MAPK8IP3: variants seen among roughly 807,000 people sequenced by gnomAD.
The protein encoded by MAPK8IP3 is mitogen-activated protein kinase 8 interacting protein 3, also known as C-Jun-amino-terminal kinase-interacting protein 3.
A neutral mutation model predicts 157.8 loss-of-function variants in MAPK8IP3; 49 were observed. The observed-to-expected ratio is 0.31, with a 90% confidence interval of 0.25 to 0.39. The LOEUF (loss-of-function observed/expected upper bound fraction) is 0.39, where lower values mean the gene tolerates loss of function less well. Among genes scored for constraint, MAPK8IP3 ranks in the 10% least tolerant of loss-of-function variants. MAPK8IP3 has a pLI of 1.00. For missense variants in MAPK8IP3, 1,478 were observed against 1,889.4 expected (o/e 0.78, Z 4.04); for synonymous variants, 897 against 777.7 (o/e 1.15, Z -2.55).
At chr16:1,747,898 G>A (rs1437735508) in intron 6 of MAPK8IP3, among the ~76,000 whole-genome samples, 3 of 152,242 alleles carry the variant, frequency 2.0e-5, no homozygotes, top group Non-Finnish European at 2.9e-5. Flanking sequence ...GTTGCCCCAC[G>A]GCACACAGGC....
At position 1,724,540 on chromosome 16, in the gene MAPK8IP3, C is replaced by G. The variant is rs1423859028; in HGVS notation, c.319-17C>G. Reference sequence around the variant, plus strand: ...CTCACTCCTGATGACTGCTCTTTCCCTCCCTTCCATGCACAGAAATTCATT... The same window carrying G: ...CTCACTCCTGATGACTGCTCTTTCCGTCCCTTCCATGCACAGAAATTCATT... On this transcript the variant is annotated splice_polypyrimidine_tract_variant and intron_variant, in intron 1 of 31. Coordinates refer to ENST00000610761, the MANE Select transcript of MAPK8IP3 (RefSeq NM_001318852.2). The surrounding 1 kb of genome is among the most constrained non-coding windows in gnomAD (Gnocchi z 4.1). 6.2e-7 allele frequency: 1 copy of G among 1,612,138 alleles called. No individual in the cohort carries two copies. The highest frequency in any genetic ancestry group is 1.1e-5 in the South Asian group (1 of 91,044).
intron 2 of MAPK8IP3, among the ~76,000 whole-genome samples, chr16:1,728,497 G>A (rs1362793926): frequency 2.6e-5 from 4 of 152,220 alleles, no homozygotes; most frequent in African/African-American, 7.2e-5. Flanking sequence ...CACAGAGAGC[G>A]CCTGTGGGTT....
rs1199980495 is a variant in MAPK8IP3 at position 1,764,126 on chromosome 16, C to T, written c.2037C>T (p.Asn679=). 13 of 1,609,500 alleles carry T rather than the reference C, an allele frequency of 8.1e-6. No individual in the cohort carries two copies. The East Asian group carries it at 2.5e-4, about 30-fold the overall frequency. Residue 679 remains asparagine, a synonymous_variant, in exon 18 of 32, where the codon AAC becomes AAT. Coordinates refer to ENST00000610761, the MANE Select transcript of MAPK8IP3 (RefSeq NM_001318852.2). ...CCTGCTCCCTGCAGCTGAGTCCCAA[C>T]GGGGGCCAGGAGGACACGCGGATGA... The part of the protein sequence containing the change: ...LPAKYKQLSP[N]GGQEDTRMKN...
chr16:1,752,897 G>T (rs2041375220), intron 8 of MAPK8IP3, among the ~76,000 whole-genome samples: 1 of 152,174 alleles, frequency 6.6e-6, no homozygotes, highest in South Asian at 2.1e-4. Context: ...AATGAGCTGG[G>T]ACCTGCGCCC....
chr16:1,731,148 A>G (rs1043596706), intron 4 of MAPK8IP3, among the ~76,000 whole-genome samples: 9 of 152,146 alleles, frequency 5.9e-5, no homozygotes, highest in African/African-American at 1.4e-4. Flanking sequence ...AAATAAATAC[A>G]TAAATAAATA....
rs1326794970 is a variant in MAPK8IP3, at chr16:1,770,286, G to A, written c.*1462G>A. 4.6e-6 allele frequency: 1 copy of A among 216,068 alleles called. No individual in the cohort carries two copies. The highest frequency in any genetic ancestry group is 5.6e-5 in the Admixed American group (1 of 17,960). The allele number at this position is 216,068 out of a possible 1,614,324, so 13.4% of individuals were successfully genotyped here. ...GCCCTGCAAGCAAACCCACATATCT[G>A]CTCTGTATGTAATAAATGTCTTAAC... On this transcript the variant is annotated 3_prime_UTR_variant, in exon 32 of 32. Coordinates refer to ENST00000610761, the MANE Select transcript of MAPK8IP3 (RefSeq NM_001318852.2).
intron 12 of MAPK8IP3, 34 bp downstream of exon 12, chr16:1,760,566 G>C: frequency 6.3e-7 from 1 of 1,593,968 alleles, no homozygotes; most frequent in Non-Finnish European, 8.6e-7. Flanking sequence ...GGTCAGAGAG[G>C]GACCCCGGCC....
chr16:1,711,168 A>C (rs1412736926), intron 1 of MAPK8IP3, among the ~76,000 whole-genome samples: 1 of 152,258 alleles, frequency 6.6e-6, no homozygotes, highest in Non-Finnish European at 1.5e-5. Context: ...AAATATGTAC[A>C]GAAAGGTTGC....
At position 1,747,092 on chromosome 16, in the gene MAPK8IP3, G is replaced by A. The variant is rs1171607649; in HGVS notation, c.811G>A (p.Gly271Ser). Residue 271 changes from glycine to serine, a missense_variant, in exon 6 of 32, where the codon GGC becomes AGC. Physicochemically the swap from Gly to Ser is moderately conservative, Grantham distance 56. Transcript: ENST00000610761. ...GGCGGCCGCCACACCCAGCACCACA[G>A]GCACCAAGTCCAACACGCCCACATC... The part of the protein sequence containing the change: ...SSAAATPSTT[G>S]TKSNTPTSSV... The A allele has an allele frequency of 6.2e-7, 1 of 1,613,862 alleles. No homozygotes were observed. Among genetic ancestry groups the A allele is most frequent in the Non-Finnish European group, 8.5e-7 (1 of 1,179,904 alleles).
Position 1,747,082 on chromosome 16 carries a change from C to G in MAPK8IP3, c.801C>G (p.Pro267=). The G allele has an allele frequency of 6.2e-7, 1 of 1,613,656 alleles. No individual in the cohort carries two copies. Among genetic ancestry groups the G allele is most frequent in the Non-Finnish European group, 8.5e-7 (1 of 1,179,696 alleles). ...GCCAGTCCTCGGCGGCCGCCACACC[C>G]AGCACCACAGGCACCAAGTCCAACA... ...ESGQSSAAAT[P]STTGTKSNTP... The change falls in exon 6 of 32, where the codon CCC becomes CCG. Residue 267 remains proline, a synonymous_variant. Coordinates refer to ENST00000610761, the MANE Select transcript of MAPK8IP3 (RefSeq NM_001318852.2).
chr16:1,749,264 T>C (rs1203856533), intron 8 of MAPK8IP3, among the ~76,000 whole-genome samples: 2 of 152,204 alleles, frequency 1.3e-5, no homozygotes, highest in Non-Finnish European at 2.9e-5. Flanking sequence ...GATCTCAGTT[T>C]AGAATGTTCC....
At chr16:1,731,096 C>T (rs547105179) in intron 4 of MAPK8IP3, among the ~76,000 whole-genome samples, 3 of 152,108 alleles carry the variant, frequency 2.0e-5, no homozygotes, top group African/African-American at 7.2e-5. Context: ...GCTGAGATCA[C>T]GCCACAGCAC....
chr16:1,763,634 T>A, intron 16 of MAPK8IP3, 23 bp from the exon 17 acceptor site: 1 of 1,531,756 alleles, frequency 6.5e-7, no homozygotes, highest in Non-Finnish European at 8.8e-7. Context: ...GACAGAGACA[T>A]CACCCATCAT....
intron 5 of MAPK8IP3, chr16:1,746,656 C>T (rs2040980398): frequency 8.4e-6 from 2 of 239,164 alleles, no homozygotes; most frequent in Non-Finnish European, 8.2e-6. Flanking sequence ...GCCCTCTGCC[C>T]TACCTGGGCT....
At chr16:1,757,493 T>G (rs1288912893) in intron 8 of MAPK8IP3, among the ~76,000 whole-genome samples, 1 of 152,094 alleles carries the variant, frequency 6.6e-6, no homozygotes, top group African/African-American at 2.4e-5. Context: ...GGAAGTGGTG[T>G]TTTCCCGCAG....
intron 8 of MAPK8IP3, among the ~76,000 whole-genome samples, chr16:1,755,383 C>T (rs922382750): frequency 9.9e-5 from 15 of 152,236 alleles, no homozygotes; most frequent in South Asian, 2.1e-4. Flanking sequence ...AGAATGCAGC[C>T]GGGTGTGCTG....
intron 1 of MAPK8IP3, among the ~76,000 whole-genome samples, chr16:1,716,149 TC>T (rs1399382039): frequency 6.6e-6 from 1 of 152,124 alleles, no homozygotes; most frequent in Admixed American, 6.6e-5. Flanking sequence ...ACATTCTGAG[TC>T]CAGAATACTG....
intron 17 of MAPK8IP3, 23 bp downstream of exon 17, chr16:1,763,806 C>A (rs2042091681): frequency 7.5e-7 from 1 of 1,337,950 alleles, no homozygotes. Flanking sequence ...GCTGCGGGGA[C>A]CGGGCGGGGC....
chr16:1,756,245 G>A (rs1177756433), intron 8 of MAPK8IP3, among the ~76,000 whole-genome samples: 1 of 152,246 alleles, frequency 6.6e-6, no homozygotes, highest in Non-Finnish European at 1.5e-5. Flanking sequence ...GGCATTGAAA[G>A]CAACCAGGCC....
Sources: gnomAD v4.1 joint callset for allele counts (sites outside exome capture counted in the v4.1 genomes callset) on GRCh38, gnomAD v4.1.1 for gene constraint, Gnocchi (gnomAD v3.1) non-coding constraint, MANE v1.5 for transcripts, NCBI Gene and HGNC (gene_info 2026-07-23, HGNC 2026-07-21) for gene names.